The following ANKRD53 variants were observed in gnomAD, a reference collection of about 807,000 sequenced individuals.
The protein encoded by ANKRD53 is ankyrin repeat domain 53.
A neutral mutation model predicts 30.1 loss-of-function variants in ANKRD53; 27 were observed. The ratio of observed to expected loss-of-function variants is 0.90; its 90% CI spans 0.66 to 1.24. The LOEUF is 1.24. Ranked by LOEUF, ANKRD53 falls within the 50% of genes most tolerant of loss-of-function variation. The pLI, the probability that ANKRD53 is intolerant of heterozygous loss-of-function variation, is 0.00. For synonymous variants in ANKRD53, 286 were observed against 295.4 expected (o/e 0.97, Z 0.33); for missense variants, 682 against 721.0 (o/e 0.95, Z 0.62).
rs181151994 is a variant in ANKRD53 at position 70,981,690 on chromosome 2, C to T, written c.618-246C>T. Among the ~76,000 whole-genome samples the T allele has an allele frequency of 2.0e-5, 3 of 152,312 alleles. No homozygotes were observed. The East Asian group carries it at 5.8e-4, about 29-fold the overall frequency. ...GTTAGTGGTCTCTGAACCAAGCCAG[C>T]TCTCCTTCCAGCAGTTCTTAACTAT... On this transcript the variant is annotated intron_variant, in intron 3 of 5. Transcript: ENST00000360589.
intron 3 of ANKRD53, among the ~76,000 whole-genome samples, chr2:70,980,458 T>G (rs1669974845): frequency 6.6e-6 from 1 of 151,716 alleles, no homozygotes; most frequent in South Asian, 2.1e-4. Flanking sequence ...AACTTAGGTG[T>G]ACATTGGAAT....
At chr2:70,980,173 G>A (rs1465581312) in intron 3 of ANKRD53, among the ~76,000 whole-genome samples, 2 of 152,170 alleles carry the variant, frequency 1.3e-5, no homozygotes, top group Admixed American at 6.5e-5. Context: ...AAATTAGCAG[G>A]GCATGGTGGC....
chr2:70,985,404 T>A lies in ANKRD53; in HGVS notation c.*104T>A. ...AAAGGGGGAGGGGTGCCTATGGGCT[T>A]CCCACTCCCAAGCTCGAGGAGTCAC... On this transcript the variant is annotated 3_prime_UTR_variant, in exon 6 of 6. Coordinates refer to ENST00000360589, the MANE Select transcript of ANKRD53 (RefSeq NM_001115116.2). 9.4e-7 allele frequency: 1 copy of A among 1,068,230 alleles called. No individual in the cohort carries two copies. Among genetic ancestry groups the A allele is most frequent in the Non-Finnish European group, 1.3e-6 (1 of 748,026 alleles). The allele number at this position is 1,068,230 out of a possible 1,614,324, so 66.2% of individuals were successfully genotyped here.
At chr2:70,984,045 A>AT in intron 5 of ANKRD53, 2 of 1,396,658 alleles carry the variant, frequency 1.4e-6, no homozygotes, top group Non-Finnish European at 2.0e-6. Context: ...TCCTCCCTAC[A>AT]TGACTTCTCA....
intron 5 of ANKRD53, among the ~76,000 whole-genome samples, chr2:70,983,742 C>T (rs908716252): frequency 3.9e-5 from 6 of 152,126 alleles, no homozygotes; most frequent in East Asian, 1.9e-4. Context: ...GGCCTCAATT[C>T]GATCAAGTGT....
In ANKRD53 at chr2:70,982,412, T is replaced by A; in HGVS notation, c.783-165T>A. 1.0e-6 allele frequency: 1 copy of A among 972,212 alleles called. No individual in the cohort carries two copies. The highest frequency in any genetic ancestry group is 1.7e-5 in the South Asian group (1 of 57,248). 60.2% of individuals were successfully genotyped at this position (972,212 alleles called of 1,614,324 possible). The stretch of plus-strand genomic sequence containing the variant: ...ACTTTCGTCTTTCACCTAAAGGAAG[T>A]AGGGAGCCAGAGGGCCCCGGGCAAT... On this transcript the variant is annotated intron_variant, in intron 4 of 5. Transcript: ENST00000360589. This position sits in a 1 kb window ranked among gnomAD's most constrained non-coding sequence, Gnocchi z 4.2.
Position 70,985,413 on chromosome 2 carries a change from C to A in ANKRD53, c.*113C>A. On this transcript the variant is annotated 3_prime_UTR_variant, in exon 6 of 6. Transcript: ENST00000360589. ...GGGGTGCCTATGGGCTTCCCACTCC[C>A]AAGCTCGAGGAGTCACCCTTCCCAA... 1.0e-6 allele frequency: 1 copy of A among 974,696 alleles called. No homozygotes were observed. 60.4% of individuals were successfully genotyped at this position (974,696 alleles called of 1,614,324 possible).
chr2:70,984,284 TGTCTCCCATGTCAAGTTGGA>T, intron 5 of ANKRD53: 1 of 1,612,290 alleles, frequency 6.2e-7, no homozygotes, highest in Non-Finnish European at 8.5e-7. Context: ...GCAGGGACTG[TGTCTCCCATGTCAAGTTGGA>T]GTCTCACCTA....
rs1475009830 is a variant in ANKRD53, at chr2:70,984,932, G to A, written c.1225G>A (p.Gly409Ser). ...CAGCCACTCGCAGGGCATCCGCCTG[G>A]GCGTGCATCCAGACCCCACTCCGGA... ...QISHSQGIRL[G>S]VHPDPTPEHD... Residue 409 changes from glycine to serine, a missense_variant, in exon 6 of 6, where the codon GGC becomes AGC. Gly to Ser is a moderately conservative substitution (Grantham distance 56, BLOSUM62 0). Transcript: ENST00000360589. 3 of 1,550,686 alleles carry A rather than the reference G, an allele frequency of 1.9e-6. No homozygotes were observed. The highest frequency in any genetic ancestry group is 1.4e-5 in the African/African-American group (1 of 73,050).
rs1553422789 is a variant in ANKRD53 at position 70,978,655 on chromosome 2, G to A, written c.10G>A (p.Ala4Thr). The A allele has an allele frequency of 2.6e-6, 4 of 1,530,214 alleles. No individual in the cohort carries two copies. The East Asian group carries it at 7.8e-5, about 30-fold the overall frequency. The allele number at this position is 1,530,214 out of a possible 1,614,324, so 94.8% of individuals were successfully genotyped here. A position where few individuals can be genotyped will look rare whatever the true frequency, so the allele number is the denominator to read the frequency against. Reference sequence around the variant, plus strand: ...GAGTTCCAGCCCCGCGATGGCCTCCGCGGGCAGCACCGCTCGGCGGGCGGG... The same window carrying A: ...GAGTTCCAGCCCCGCGATGGCCTCCACGGGCAGCACCGCTCGGCGGGCGGG... MASAGSTARRAGSG... is the reference protein window; with the variant it reads MASTGSTARRAGSG... The change falls in exon 1 of 6, where the codon GCG (alanine) becomes ACG (threonine). Residue 4 changes from alanine to threonine, a missense_variant. Coordinates refer to ENST00000360589, the MANE Select transcript of ANKRD53 (RefSeq NM_001115116.2). The surrounding 1 kb of genome is among the most constrained non-coding windows in gnomAD (Gnocchi z 4.3).
At chr2:70,978,542 G>C (rs1244660960), upstream of ANKRD53, 2 of 1,332,224 alleles carry the variant, frequency 1.5e-6, no homozygotes, top group East Asian at 6.0e-5. This position sits in a 1 kb window ranked among gnomAD's most constrained non-coding sequence, Gnocchi z 4.3. Context: ...GCCTGGAAGG[G>C]GCCGGGAAAC....
chr2:70,984,098 A>T, intron 5 of ANKRD53: 1 of 1,598,464 alleles, frequency 6.3e-7, no homozygotes, highest in South Asian at 1.1e-5. Context: ...CAGGCCATCC[A>T]GTCCTTTCTG....
rs149582078 is a variant in ANKRD53, at chr2:70,984,602, T to C, written c.904-9T>C. Reference sequence around the variant, plus strand: ...CTCCATGACTCTCTTGTGCCCTCTGTTGTTGCAGAAAGAGCACAAAATTCT... The same window carrying C: ...CTCCATGACTCTCTTGTGCCCTCTGCTGTTGCAGAAAGAGCACAAAATTCT... On this transcript the variant is annotated splice_polypyrimidine_tract_variant and intron_variant, in intron 5 of 5. Coordinates refer to ENST00000360589, the MANE Select transcript of ANKRD53 (RefSeq NM_001115116.2). 1 of 1,613,282 alleles carries C rather than the reference T, an allele frequency of 6.2e-7. No individual in the cohort carries two copies. Among genetic ancestry groups the C allele is most frequent in the Non-Finnish European group, 8.5e-7 (1 of 1,179,490 alleles).
chr2:70,981,103 C>T (rs1474812286), intron 3 of ANKRD53, among the ~76,000 whole-genome samples: 1 of 152,178 alleles, frequency 6.6e-6, no homozygotes, highest in African/African-American at 2.4e-5. Context: ...GTGTCTTCAA[C>T]TGAAACTTGG....
At position 70,984,708 on chromosome 2, in the gene ANKRD53, G is replaced by C. The variant is rs782065287; in HGVS notation, c.1001G>C (p.Arg334Pro). The C allele has an allele frequency of 1.2e-6, 2 of 1,611,908 alleles. No homozygotes were observed. Among genetic ancestry groups the C allele is most frequent in the Non-Finnish European group, 1.7e-6 (2 of 1,179,162 alleles). The change falls in exon 6 of 6, where the codon CGG becomes CCG. Residue 334 changes from arginine to proline, a missense_variant. Transcript: ENST00000360589. ...HSLVSNTKQARATALSKTPEQ... is the reference protein window; with the variant it reads ...HSLVSNTKQAPATALSKTPEQ... ...CTGGTCTCCAATACCAAGCAAGCCC[G>C]GGCCACCGCCCTCTCCAAGACCCCA...
At chr2:70,983,981 G>T in intron 5 of ANKRD53, 5 of 727,342 alleles carry the variant, frequency 6.9e-6, no homozygotes, top group Middle Eastern at 4.0e-4. Context: ...GTGGAGGCAA[G>T]GACAGAGCTA....
chr2:70,984,419 C>T (rs1670108180), intron 5 of ANKRD53, 192 bp from the exon 6 acceptor site: 1 of 985,276 alleles, frequency 1.0e-6, no homozygotes, highest in African/African-American at 1.7e-5. Context: ...AAAGTTGTCT[C>T]CCCCATCGGA....
At position 70,985,407 on chromosome 2, in the gene ANKRD53, C is replaced by T; in HGVS notation, c.*107C>T. On this transcript the variant is annotated 3_prime_UTR_variant, in exon 6 of 6. Transcript: ENST00000360589. Reference sequence around the variant, plus strand: ...GGGGGAGGGGTGCCTATGGGCTTCCCACTCCCAAGCTCGAGGAGTCACCCT... The same window carrying T: ...GGGGGAGGGGTGCCTATGGGCTTCCTACTCCCAAGCTCGAGGAGTCACCCT... The T allele has an allele frequency of 1.9e-6, 2 of 1,035,626 alleles. No individual in the cohort carries two copies. Among genetic ancestry groups the T allele is most frequent in the Non-Finnish European group, 2.8e-6 (2 of 719,484 alleles). The allele number at this position is 1,035,626 out of a possible 1,614,324, so 64.2% of individuals were successfully genotyped here. A position where few individuals can be genotyped will look rare whatever the true frequency, so the allele number is the denominator to read the frequency against.
rs1014478696 is a variant in ANKRD53 at position 70,979,398 on chromosome 2, C to G, written c.417+55C>G. On this transcript the variant is annotated intron_variant, in intron 2 of 5. Transcript: ENST00000360589. ...GAGGTCCCTCTCCCGCTACGCTGCT[C>G]GGAGTGGTCACCTGGAGAAGAGATA... 5.0e-6 allele frequency: 8 copies of G among 1,605,704 alleles called. No individual in the cohort carries two copies. In the Admixed American group the frequency reaches 6.7e-5, roughly 13 times the overall value.
Sources: gnomAD v4.1 joint callset for allele counts (sites outside exome capture counted in the v4.1 genomes callset) on GRCh38, gnomAD v4.1.1 for gene constraint, Gnocchi (gnomAD v3.1) non-coding constraint, MANE v1.5 for transcripts, NCBI Gene and HGNC (gene_info 2026-07-23, HGNC 2026-07-21) for gene names.